Variants in GSTA2 observed in about 807,000 individuals in gnomAD.
GSTA2 encodes glutathione S-transferase alpha 2.
GSTA2 carries 27 observed loss-of-function variants against 22.4 expected under a neutral mutation model. That is an observed-to-expected ratio of 1.21 (90% confidence interval 0.89 to 1.67). The LOEUF is 1.67. GSTA2 is among the 40% of genes most tolerant of loss of function. The pLI is 0.00. For missense variants in GSTA2, 302 were observed against 260.2 expected (o/e 1.16, Z -1.11); for synonymous variants, 121 against 86.8 (o/e 1.39, Z -2.19).
intron 4 of GSTA2, 23 bp from the exon 5 acceptor site, chr6:52,753,018 T>C (rs1277298717): frequency 2.5e-6 from 4 of 1,576,698 alleles, no homozygotes; most frequent in East Asian, 2.3e-5. Context: ...AACAACCAAA[T>C]GGTCAAATAT....
Position 52,750,607 on chromosome 6 carries a change from T to C in GSTA2, c.639A>G (p.Leu213=), listed in dbSNP as rs150461295. 7.3e-4 allele frequency: 1,182 copies of C among 1,613,936 alleles called. 5 individuals are homozygous for C. The African/African-American group carries it at 0.014, about 19-fold the overall frequency. The change falls in exon 7 of 7, where the codon TTA becomes TTG. Residue 213 remains leucine (L), a synonymous_variant. Transcript: ENST00000493422. ...ACCTGAAAATCTTCCTTGATTCTTC[T>C]AAAGATTTCTCATCCATGGGAGGCT... is the stretch of plus-strand genomic sequence containing the variant. ...PRKPPMDEKS[L]EESRKIFRF
intron 3 of GSTA2, 105 bp from the exon 4 acceptor site, chr6:52,755,180 G>C: frequency 9.0e-6 from 12 of 1,331,418 alleles, no homozygotes; most frequent in Non-Finnish European, 1.2e-5. Flanking sequence ...AAACGAAAAA[G>C]AAATTACTGC....
chr6:52,758,854 T>A (rs1179232404), intron 1 of GSTA2, among the ~76,000 whole-genome samples: 2 of 152,208 alleles, frequency 1.3e-5, no homozygotes, highest in Non-Finnish European at 2.9e-5. Context: ...TGATCATTCT[T>A]CTAAACTTCT....
intron 3 of GSTA2, among the ~76,000 whole-genome samples, chr6:52,755,815 A>G (rs528917490): frequency 6.6e-6 from 1 of 152,008 alleles, no homozygotes; most frequent in Non-Finnish European, 1.5e-5. Flanking sequence ...TGTGCTCTTC[A>G]AAGTCTGCGA....
At chr6:52,759,878 C>G (rs1303248047) in intron 1 of GSTA2, among the ~76,000 whole-genome samples, 1 of 151,906 alleles carries the variant, frequency 6.6e-6, no homozygotes, top group Non-Finnish European at 1.5e-5. Context: ...GCCACTGCAC[C>G]CAACCTCAAC....
At chr6:52,753,046 A>C (rs1433830722) in intron 4 of GSTA2, 51 bp from the exon 5 acceptor site, 2 of 1,531,188 alleles carry the variant, frequency 1.3e-6, no homozygotes, top group Non-Finnish European at 1.8e-6. Context: ...CTTAGATTTT[A>C]TAGGTTTATA....
rs575339692 is a variant in GSTA2, at chr6:52,752,720, G to T, written c.414+134C>A. 3.5e-5 allele frequency: 37 copies of T among 1,058,916 alleles called. 1 individual carries two copies. The South Asian group carries it at 5.3e-4, about 15-fold the overall frequency. 65.6% of individuals were successfully genotyped at this position (1,058,916 alleles called of 1,614,324 possible). ...CAAGTCTATTTTCATAAAATGCCTT[G>T]AGAGTCAGAGTGCTGCATTGGTGTC... On this transcript the variant is annotated intron_variant, in intron 5 of 6. Coordinates refer to ENST00000493422, the MANE Select transcript of GSTA2 (RefSeq NM_000846.5).
intron 6 of GSTA2, 78 bp from the exon 7 acceptor site, chr6:52,750,777 T>G (rs1762722479): frequency 1.3e-6 from 2 of 1,561,580 alleles, no homozygotes; most frequent in Non-Finnish European, 1.7e-6. Context: ...CCAGGGAATC[T>G]GAGTCCCTCC....
At chr6:52,753,084 G>A in intron 4 of GSTA2, 89 bp from the exon 5 acceptor site, 9 of 1,310,794 alleles carry the variant, frequency 6.9e-6, no homozygotes, top group Non-Finnish European at 9.4e-6. Context: ...AGTATCAGGT[G>A]ATGGCAAAAT....
Position 52,752,950 on chromosome 6 carries a change from G to T in GSTA2, c.318C>A (p.Ile106=). The T allele has an allele frequency of 6.2e-7, 1 of 1,613,744 alleles. No homozygotes were observed. Among genetic ancestry groups the T allele is most frequent in the South Asian group, 1.1e-5 (1 of 91,044 alleles). ...CAGGTTGACTAAAGGGCAGAAGAAG[G>T]ATCATTTCACCCAAATCTGCTATAC... ...IEGIADLGEM[I]LLLPFSQPEE... The change falls in exon 5 of 7, where the codon ATC becomes ATA. Residue 106 remains isoleucine, a synonymous_variant. Transcript: ENST00000493422.
intron 2 of GSTA2, 47 bp from the exon 3 acceptor site, chr6:52,756,356 T>C (rs1762845433): frequency 6.2e-6 from 9 of 1,440,696 alleles, no homozygotes; most frequent in African/African-American, 1.4e-5. Flanking sequence ...CATTCTATTA[T>C]AGACCTGTGA....
chr6:52,757,437 T>C (rs1459119052), intron 2 of GSTA2, among the ~76,000 whole-genome samples: 1 of 149,098 alleles, frequency 6.7e-6, no homozygotes, highest in African/African-American at 2.5e-5. Flanking sequence ...ATATGATTAA[T>C]CCTTAAATAC....
intron 5 of GSTA2, among the ~76,000 whole-genome samples, chr6:52,752,107 G>C (rs1232851534): frequency 6.6e-6 from 1 of 152,108 alleles, no homozygotes; most frequent in African/African-American, 2.4e-5. Context: ...CTTGGGCAGT[G>C]ACTCCACCAT....
rs1250091606 is a variant in GSTA2 at position 52,752,959 on chromosome 6, A to C, written c.309T>G (p.Gly103=). The C allele has an allele frequency of 6.2e-7, 1 of 1,613,506 alleles. No individual in the cohort carries two copies. Among genetic ancestry groups the C allele is most frequent in the Non-Finnish European group, 8.5e-7 (1 of 1,179,612 alleles). ...DMYIEGIADL[G]EMILLLPFSQ... Reference sequence around the variant, plus strand: ...TAAAGGGCAGAAGAAGGATCATTTCACCCAAATCTGCTATACCTTCTATAT... The same window carrying C: ...TAAAGGGCAGAAGAAGGATCATTTCCCCCAAATCTGCTATACCTTCTATAT... The change falls in exon 5 of 7, where the codon GGT becomes GGG. Residue 103 remains glycine (G), a synonymous_variant. Coordinates refer to ENST00000493422, the MANE Select transcript of GSTA2 (RefSeq NM_000846.5).
Position 52,750,600 on chromosome 6 carries a change from A to C in GSTA2, c.646T>G (p.Ser216Ala), listed in dbSNP as rs778463893. The change falls in exon 7 of 7, where the codon TCA becomes GCA. Residue 216 changes from serine (S) to alanine (A), a missense_variant. Transcript: ENST00000493422. ...PPMDEKSLEE[S>A]RKIFRF The stretch of plus-strand genomic sequence containing the variant: ...TATTAAAACCTGAAAATCTTCCTTG[A>C]TTCTTCTAAAGATTTCTCATCCATG... 176 of 1,613,802 alleles carry C rather than the reference A, an allele frequency of 1.1e-4. No homozygotes were observed. The highest frequency in any genetic ancestry group is 1.3e-4 in the Non-Finnish European group (151 of 1,179,854).
At chr6:52,758,595 C>A (rs1471560178) in intron 1 of GSTA2, among the ~76,000 whole-genome samples, 1 of 152,164 alleles carries the variant, frequency 6.6e-6, no homozygotes, top group Admixed American at 6.5e-5. Context: ...AGCTAAATCA[C>A]TCTTCAGCTC....
chr6:52,753,430 G>C, intron 4 of GSTA2, among the ~76,000 whole-genome samples: 1 of 152,124 alleles, frequency 6.6e-6, no homozygotes, highest in Non-Finnish European at 1.5e-5. Flanking sequence ...TCCTAAGAGA[G>C]TCCCTGGCAC....
At chr6:52,759,568 T>TG (rs1762914778) in intron 1 of GSTA2, among the ~76,000 whole-genome samples, 2 of 43,506 alleles carry the variant, frequency 4.6e-5, no homozygotes, top group Middle Eastern at 6.9e-3. Flanking sequence ...TATTTGTTTT[T>TG]TTTTTTTTTT....
chr6:52,759,645 C>T lies in GSTA2; in HGVS notation c.-30-1668G>A, dbSNP rs559597144. On this transcript the variant is annotated intron_variant, in intron 1 of 6. Transcript: ENST00000493422. Reference sequence around the variant, plus strand: ...TTTTGCCCAGGCTGCAGTGCAATGGCGCGATCTTGGCTCACTACAACCTCA... The same window carrying T: ...TTTTGCCCAGGCTGCAGTGCAATGGTGCGATCTTGGCTCACTACAACCTCA... Among the ~76,000 whole-genome samples the T allele has an allele frequency of 1.9e-3, 218 of 116,270 alleles. 1 individual carries two copies. The highest frequency in any genetic ancestry group is 3.1e-3 in the Non-Finnish European group (194 of 61,898). The allele number at this position is 116,270 out of a possible 152,430, so 76.3% of individuals were successfully genotyped here. A position where few individuals can be genotyped will look rare whatever the true frequency, so the allele number is the denominator to read the frequency against.
Sources: allele counts gnomAD v4.1 joint callset (sites outside exome capture counted in the v4.1 genomes callset), GRCh38; gene constraint gnomAD v4.1.1; transcripts MANE v1.5; gene names NCBI Gene and HGNC (gene_info 2026-07-23, HGNC 2026-07-21).